NEBL: variants seen among roughly 807,000 people sequenced by gnomAD.
NEBL encodes nebulette, also known as LIM and SH3 protein 2.
Under a neutral mutation model 140.2 loss-of-function variants are expected in NEBL, and 122 were observed. That is an observed-to-expected ratio of 0.87 (90% CI 0.75 to 1.01). The LOEUF (loss-of-function observed/expected upper bound fraction) is 1.01. Ranked by LOEUF, NEBL falls within the 50% of genes least tolerant of loss-of-function variation. The pLI is 0.00. For synonymous variants in NEBL, 436 were observed against 398.9 expected, an observed-to-expected ratio of 1.09 and a Z score of -1.11; for missense variants, 1,365 against 1,231.3, an observed-to-expected ratio of 1.11 and a Z score of -1.62.
At chr10:20,967,167 T>C (rs150713071) in intron 3 of NEBL, among the ~76,000 whole-genome samples, 1,620 of 150,578 alleles carry the variant, frequency 0.011, 102 homozygotes, top group Admixed American at 0.095. Flanking sequence ...TTAATAACGT[T>C]GTTTCTATTT....
chr10:21,177,535 CTTT>C (rs541092301), upstream of NEBL, among the ~76,000 whole-genome samples: 1 of 145,038 alleles, frequency 6.9e-6, no homozygotes. Context: ...TTTATTTTTC[CTTT>C]TTTTTTTTTG....
chr10:20,936,568 G>A (rs1246559450), intron 4 of NEBL, among the ~76,000 whole-genome samples: 3 of 152,196 alleles, frequency 2.0e-5, no homozygotes, highest in African/African-American at 4.8e-5. Context: ...TGGCCTTAGA[G>A]CAAGAATTAA....
intron 3 of NEBL, among the ~76,000 whole-genome samples, chr10:21,189,543 C>T (rs954787121): frequency 5.9e-5 from 9 of 152,194 alleles, no homozygotes; most frequent in African/African-American, 2.2e-4. Flanking sequence ...CTGCTCACTG[C>T]AAACTCTGCC....
chr10:20,826,200 G>A (rs1839838599), intron 18 of NEBL, among the ~76,000 whole-genome samples: 1 of 152,050 alleles, frequency 6.6e-6, no homozygotes, highest in African/African-American at 2.4e-5. Flanking sequence ...CTAACCCTAG[G>A]TTTCATTAAA....
chr10:21,021,537 C>T (rs916084520), intron 2 of NEBL, among the ~76,000 whole-genome samples: 1 of 152,196 alleles, frequency 6.6e-6, no homozygotes, highest in Admixed American at 6.5e-5. Flanking sequence ...CACGTTATTC[C>T]CCTTTCCTGG....
At chr10:21,020,057 G>T in intron 3 of NEBL, 1 of 1,387,112 alleles carries the variant, frequency 7.2e-7, no homozygotes, top group South Asian at 1.2e-5. Flanking sequence ...AATCTCAGAA[G>T]AGCAGCCTTG....
intron 3 of NEBL, among the ~76,000 whole-genome samples, chr10:21,186,171 C>T (rs892528295): frequency 6.6e-6 from 1 of 151,684 alleles, no homozygotes; most frequent in Non-Finnish European, 1.5e-5. Context: ...TGTTTTTATG[C>T]ATAGAAAGCT....
intron 2 of NEBL, among the ~76,000 whole-genome samples, chr10:21,073,692 A>G (rs1335475788): frequency 2.0e-5 from 3 of 152,086 alleles, no homozygotes; most frequent in Non-Finnish European, 2.9e-5. Context: ...CCTACTCCCA[A>G]AGAAAAACAA....
chr10:20,923,758 C>T (rs1177770556), intron 4 of NEBL, among the ~76,000 whole-genome samples: 1 of 144,198 alleles, frequency 6.9e-6, no homozygotes, highest in African/African-American at 2.5e-5. Flanking sequence ...AATGTTGAAG[C>T]TGTCAAGCCT....
At chr10:21,017,869 G>T (rs1440717345) in intron 3 of NEBL, among the ~76,000 whole-genome samples, 1 of 150,734 alleles carries the variant, frequency 6.6e-6, no homozygotes, top group Non-Finnish European at 1.5e-5. Flanking sequence ...TGTTGCCCAG[G>T]CTAGAGTACA....
At chr10:21,010,183 G>A (rs183599561) in intron 3 of NEBL, among the ~76,000 whole-genome samples, 1 of 152,158 alleles carries the variant, frequency 6.6e-6, no homozygotes, top group Non-Finnish European at 1.5e-5. Flanking sequence ...CTCTGTATAA[G>A]GGATCACAGA....
chr10:21,012,528 T>A (rs76301843), intron 3 of NEBL, among the ~76,000 whole-genome samples: 2,947 of 151,956 alleles, frequency 0.019, 85 homozygotes, highest in African/African-American at 0.065. Flanking sequence ...CCTAGCTTAT[T>A]TATTTTTATT....
At chr10:20,827,148 T>C (rs1354832961) in intron 17 of NEBL, among the ~76,000 whole-genome samples, 1 of 152,214 alleles carries the variant, frequency 6.6e-6, no homozygotes, top group Non-Finnish European at 1.5e-5. Flanking sequence ...AGTGCCCTCG[T>C]TATGAGTACT....
At chr10:21,228,650 C>T (rs576111398) in intron 3 of NEBL, among the ~76,000 whole-genome samples, 75 of 152,206 alleles carry the variant, frequency 4.9e-4, no homozygotes, top group Admixed American at 3.3e-3. Flanking sequence ...TAAAAACAGT[C>T]ATTTTTAAAA....
intron 2 of NEBL, chr10:21,125,798 G>A: frequency 6.6e-7 from 1 of 1,525,766 alleles, no homozygotes; most frequent in Non-Finnish European, 9.1e-7. Flanking sequence ...ATATGGTATG[G>A]TATAAGACAG....
At chr10:20,835,108 A>C (rs1294332915) in intron 14 of NEBL, among the ~76,000 whole-genome samples, 1 of 152,232 alleles carries the variant, frequency 6.6e-6, no homozygotes, top group Admixed American at 6.5e-5. Context: ...TATTGTTCTC[A>C]TGTAAAGTGT....
At position 20,961,387 on chromosome 10, in the gene NEBL, T is replaced by C. The variant is rs12411671; in HGVS notation, c.357+285A>G. Among the ~76,000 whole-genome samples the C allele has an allele frequency of 0.067, 10,125 of 152,224 alleles. 468 individuals are homozygous for C. Among genetic ancestry groups the C allele is most frequent in the Admixed American group, 0.15 (2,338 of 15,272 alleles). On this transcript the variant is annotated intron_variant, in intron 4 of 6. Coordinates refer to the NEBL transcript ENST00000417816. ...ACAGTCAAAACTTAACTTTCAAGTT[T>C]CTTATTTTAATTATAAAAGGCCTAT...
intron 4 of NEBL, among the ~76,000 whole-genome samples, chr10:20,960,340 G>C (rs905490526): frequency 4.6e-5 from 7 of 152,050 alleles, no homozygotes; most frequent in African/African-American, 1.7e-4. Context: ...TTTAAGGAAA[G>C]AATAAAGAGG....
chr10:20,929,898 C>T (rs1411164855), intron 4 of NEBL, among the ~76,000 whole-genome samples: 1 of 152,068 alleles, frequency 6.6e-6, no homozygotes, highest in African/African-American at 2.4e-5. Context: ...AAAACTGCAC[C>T]TGTACCTTCT....
Sources: gnomAD v4.1 joint callset for allele counts (sites outside exome capture counted in the v4.1 genomes callset) on GRCh38, gnomAD v4.1.1 for gene constraint, MANE v1.5 for transcripts, NCBI Gene and HGNC (gene_info 2026-07-23, HGNC 2026-07-21) for gene names.